The following ACSS3 variants were observed in gnomAD, a reference collection of about 807,000 sequenced individuals.
The protein encoded by ACSS3 is acyl-CoA synthetase short-chain family member 3, mitochondrial.
Under a neutral mutation model 84.2 loss-of-function variants are expected in ACSS3, and 64 were observed. That is an observed-to-expected ratio of 0.76 (90% confidence interval 0.62 to 0.94). The LOEUF is 0.94. Among genes scored for constraint, ACSS3 ranks in the 40% least tolerant of loss-of-function variants. ACSS3 has a pLI of 0.00. For missense variants in ACSS3, 815 were observed against 867.6 expected (o/e 0.94, Z 0.76); for synonymous variants, 317 against 310.1 (o/e 1.02, Z -0.23).
chr12:81,140,816 G>C (rs1886057850), intron 4 of ACSS3, among the ~76,000 whole-genome samples: 1 of 152,130 alleles, frequency 6.6e-6, no homozygotes, highest in Non-Finnish European at 1.5e-5. Flanking sequence ...TATGTGTGCT[G>C]TTTACATTAC....
chr12:81,219,887 T>C, intron 10 of ACSS3, 126 bp from the exon 11 acceptor site: 1 of 481,802 alleles, frequency 2.1e-6, no homozygotes. Flanking sequence ...TTGTTCATGG[T>C]CTCACAGGAA....
At chr12:81,192,307 G>A (rs2031612745) in intron 8 of ACSS3, among the ~76,000 whole-genome samples, 1 of 152,166 alleles carries the variant, frequency 6.6e-6, no homozygotes, top group Non-Finnish European at 1.5e-5. Flanking sequence ...CTTGAATCTG[G>A]GAGGCAAGGT....
chr12:81,231,848 T>G (rs953217294), intron 12 of ACSS3, among the ~76,000 whole-genome samples: 1 of 151,736 alleles, frequency 6.6e-6, no homozygotes, highest in Non-Finnish European at 1.5e-5. Context: ...ATCTTTCTGT[T>G]GTCCCTCTAC....
chr12:81,232,832 A>G (rs1160595900), intron 12 of ACSS3, among the ~76,000 whole-genome samples: 1 of 151,672 alleles, frequency 6.6e-6, no homozygotes, highest in Non-Finnish European at 1.5e-5. Context: ...TCATTTCTAG[A>G]CCAGCAAAAA....
At chr12:81,217,119 G>A (rs910065610) in intron 10 of ACSS3, 123 bp downstream of exon 10, 3 of 650,448 alleles carry the variant, frequency 4.6e-6, no homozygotes, top group Non-Finnish European at 7.7e-6. Context: ...TGAATGCCTT[G>A]TATTAAAAAT....
At chr12:81,082,020 A>T (rs1881009951) in intron 1 of ACSS3, among the ~76,000 whole-genome samples, 1 of 152,218 alleles carries the variant, frequency 6.6e-6, no homozygotes, top group Admixed American at 6.5e-5. Context: ...TAGTGAAGGA[A>T]CTCACCACAC....
At chr12:81,164,003 T>C (rs1887282581) in intron 7 of ACSS3, among the ~76,000 whole-genome samples, 1 of 152,156 alleles carries the variant, frequency 6.6e-6, no homozygotes, top group Non-Finnish European at 1.5e-5. Flanking sequence ...GTAGCTTAAG[T>C]GTGCAGTGTT....
intron 13 of ACSS3, among the ~76,000 whole-genome samples, chr12:81,234,607 G>A (rs1275011394): frequency 6.6e-6 from 1 of 151,332 alleles, no homozygotes; most frequent in African/African-American, 2.4e-5. Context: ...GTGTGTAATA[G>A]TATCTCATTG....
intron 1 of ACSS3, among the ~76,000 whole-genome samples, chr12:81,108,192 A>G (rs1305312674): frequency 6.6e-6 from 1 of 151,660 alleles, no homozygotes; most frequent in Non-Finnish European, 1.5e-5. Context: ...TTATTGAAAT[A>G]CATAGGGTCA....
intron 9 of ACSS3, among the ~76,000 whole-genome samples, chr12:81,209,121 C>T (rs568442384): frequency 5.9e-5 from 9 of 151,966 alleles, no homozygotes; most frequent in African/African-American, 2.2e-4. Context: ...TTTTAGGCCC[C>T]TGATCTTTAT....
Position 81,245,858 on chromosome 12 carries a change from C to G in ACSS3, c.1720-7449C>G, listed in dbSNP as rs558158382. ...GAATGGAGTGGTGAATTCGAAGCTT[C>G]TTACTTGTAGTACCAAAACCAGAGG... On this transcript the variant is annotated intron_variant, in intron 13 of 15. Coordinates refer to ENST00000548058, the MANE Select transcript of ACSS3 (RefSeq NM_024560.4). 3.3e-5 allele frequency among the ~76,000 whole-genome samples: 5 copies of G among 152,200 alleles called. No homozygotes were observed. In the South Asian group the frequency reaches 1.0e-3, roughly 32 times the overall value.
intron 11 of ACSS3, among the ~76,000 whole-genome samples, chr12:81,221,967 C>T (rs1268845478): frequency 6.6e-6 from 1 of 152,002 alleles, no homozygotes; most frequent in Non-Finnish European, 1.5e-5. Context: ...GGTTTTGTCA[C>T]TCTAATTATG....
intron 10 of ACSS3, among the ~76,000 whole-genome samples, chr12:81,218,870 T>G (rs927228498): frequency 1.3e-5 from 2 of 152,042 alleles, no homozygotes; most frequent in African/African-American, 4.8e-5. Context: ...ACTTTATGAC[T>G]GATAATTTTT....
At chr12:81,229,874 C>G (rs1270157491) in intron 11 of ACSS3, among the ~76,000 whole-genome samples, 1 of 130,700 alleles carries the variant, frequency 7.7e-6, no homozygotes, top group African/African-American at 2.6e-5. Flanking sequence ...GCGATATCTG[C>G]TGGGCTGCCC....
intron 1 of ACSS3, among the ~76,000 whole-genome samples, chr12:81,104,543 T>C (rs1882810860): frequency 6.6e-6 from 1 of 152,056 alleles, no homozygotes; most frequent in East Asian, 1.9e-4. Context: ...GCTGAAACTT[T>C]CATTCTGGCT....
At chr12:81,147,351 C>G (rs891924191) in intron 5 of ACSS3, among the ~76,000 whole-genome samples, 2 of 152,190 alleles carry the variant, frequency 1.3e-5, no homozygotes, top group African/African-American at 4.8e-5. Context: ...CGGGTTTATA[C>G]ACTAAACTGT....
rs755475849 is a variant in ACSS3, at chr12:81,143,099, C to G, written c.781-8C>G. The G allele has an allele frequency of 2.5e-6, 4 of 1,605,688 alleles. No individual in the cohort carries two copies. The South Asian group carries it at 4.4e-5, about 18-fold the overall frequency. ...TACAGTACATATTCTTATATTTTTG[C>G]TGTGTAGGAGGCGGTTCCTTTGGCT... On this transcript the variant is annotated splice_region_variant and splice_polypyrimidine_tract_variant and intron_variant, in intron 4 of 15. Transcript: ENST00000548058.
At chr12:81,222,961 G>A (rs1593216271) in intron 11 of ACSS3, among the ~76,000 whole-genome samples, 1 of 151,928 alleles carries the variant, frequency 6.6e-6, no homozygotes, top group African/African-American at 2.4e-5. Context: ...GAAAGTTAAG[G>A]GATCTGAATT....
At chr12:81,197,023 A>G (rs1379170980) in intron 8 of ACSS3, among the ~76,000 whole-genome samples, 4 of 152,224 alleles carry the variant, frequency 2.6e-5, no homozygotes, top group African/African-American at 9.6e-5. Flanking sequence ...AGATAATTTT[A>G]TTCTGTGAAT....
Sources: gnomAD v4.1 joint callset for allele counts (sites outside exome capture counted in the v4.1 genomes callset) on GRCh38, gnomAD v4.1.1 for gene constraint, MANE v1.5 for transcripts, NCBI Gene and HGNC (gene_info 2026-07-23, HGNC 2026-07-21) for gene names.